The following PPP2R5A variants were observed in gnomAD, a reference collection of about 807,000 sequenced individuals.
PPP2R5A encodes protein phosphatase 2 regulatory subunit B'alpha, also known as serine/threonine-protein phosphatase 2A 56 kDa regulatory subunit alpha isoform.
A neutral mutation model predicts 64.2 loss-of-function variants in PPP2R5A; 25 were observed. That is an observed-to-expected ratio of 0.39 (90% CI 0.28 to 0.54). The LOEUF is 0.54. PPP2R5A is among the 20% of genes least tolerant of loss of function. The pLI is 0.67. For missense variants in PPP2R5A, 425 were observed against 576.3 expected (o/e 0.74, Z 2.69); for synonymous variants, 198 against 201.2 (o/e 0.98, Z 0.13).
At position 212,286,307 on chromosome 1, in the gene PPP2R5A, G is replaced by A; in HGVS notation, c.181+16G>A. On this transcript the variant is annotated intron_variant, in intron 1 of 12. Transcript: ENST00000261461. The stretch of plus-strand genomic sequence containing the variant: ...CAGCTCAAAGGTAACCTCCGAGGGC[G>A]CAGCCCCAGCAGCGAGCGCAGGGGC... 2 of 1,468,802 alleles carry A rather than the reference G, an allele frequency of 1.4e-6. No homozygotes were observed. Among genetic ancestry groups the A allele is most frequent in the Non-Finnish European group, 9.0e-7 (1 of 1,110,308 alleles). 91.0% of individuals were successfully genotyped at this position (1,468,802 alleles called of 1,614,324 possible).
At chr1:212,327,024 T>G (rs2102431359) in intron 1 of PPP2R5A, among the ~76,000 whole-genome samples, 1 of 152,342 alleles carries the variant, frequency 6.6e-6, no homozygotes, top group East Asian at 1.9e-4. Flanking sequence ...AAATCAGCTT[T>G]TTTAAGGACA....
chr1:212,321,286 C>A (rs1180507726), intron 1 of PPP2R5A, among the ~76,000 whole-genome samples: 2 of 147,114 alleles, frequency 1.4e-5, no homozygotes, highest in African/African-American at 5.0e-5. Flanking sequence ...GCGCCCCTCA[C>A]CTCCCGGACG....
At position 212,338,878 on chromosome 1, in the gene PPP2R5A, C is replaced by G. The variant is rs151309879; in HGVS notation, c.481-3310C>G. ...TTAACAAATGTGATTTTCATTCATT[C>G]AGTAAGCATCTATTGTGTGTCAAGC... On this transcript the variant is annotated intron_variant, in intron 3 of 12. Coordinates refer to ENST00000261461, the MANE Select transcript of PPP2R5A (RefSeq NM_006243.4). Among the ~76,000 whole-genome samples the G allele has an allele frequency of 7.2e-4, 109 of 152,102 alleles. 1 individual carries two copies. The highest frequency in any genetic ancestry group is 2.5e-3 in the African/African-American group (102 of 41,530).
rs60770780 is a variant in PPP2R5A at position 212,344,992 on chromosome 1, C to T, written c.574-811C>T. Among the ~76,000 whole-genome samples, 800 of 152,004 alleles carry T rather than the reference C, an allele frequency of 5.3e-3. 48 individuals are homozygous for T. In the East Asian group the frequency reaches 0.13, roughly 24 times the overall value. ...CAGCCTGGGCAACATGGTGAAACCCCGTCTCTACCAAAAAATATATAAATT... is the reference window on the plus strand; with the variant it reads ...CAGCCTGGGCAACATGGTGAAACCCTGTCTCTACCAAAAAATATATAAATT... On this transcript the variant is annotated intron_variant, in intron 4 of 12. Coordinates refer to ENST00000261461, the MANE Select transcript of PPP2R5A (RefSeq NM_006243.4).
At chr1:212,349,755 G>A (rs900978938) in intron 8 of PPP2R5A, among the ~76,000 whole-genome samples, 5 of 152,122 alleles carry the variant, frequency 3.3e-5, no homozygotes, top group Non-Finnish European at 5.9e-5. Context: ...GAACCAGCAA[G>A]GCAACTTAGG....
At chr1:212,353,165 T>G (rs1159257352) in intron 8 of PPP2R5A, among the ~76,000 whole-genome samples, 1 of 152,196 alleles carries the variant, frequency 6.6e-6, no homozygotes, top group East Asian at 1.9e-4. Flanking sequence ...CAAGTTATGT[T>G]GGACTGAGAG....
intron 1 of PPP2R5A, among the ~76,000 whole-genome samples, chr1:212,304,067 C>A (rs1251571368): frequency 6.6e-6 from 1 of 152,138 alleles, no homozygotes; most frequent in Non-Finnish European, 1.5e-5. Context: ...TCTTTCTTCT[C>A]TAGACATTTA....
At chr1:212,349,342 A>G (rs1207065877) in intron 8 of PPP2R5A, 100 bp downstream of exon 8, 2 of 817,088 alleles carry the variant, frequency 2.4e-6, no homozygotes, top group African/African-American at 1.8e-5. Context: ...AGAATAATGT[A>G]CGTTAAGCTA....
chr1:212,347,459 G>T, intron 6 of PPP2R5A, 53 bp downstream of exon 6: 2 of 1,347,682 alleles, frequency 1.5e-6, no homozygotes, highest in Admixed American at 1.9e-5. Context: ...AATGTTTTAT[G>T]TATTAAAATC....
rs1433053425 is a variant in PPP2R5A at position 212,361,005 on chromosome 1, A to AGAAAT, written c.*239_*243dup. 1.3e-5 allele frequency: 4 copies of AGAAAT among 298,488 alleles called. No homozygotes were observed. The highest frequency in any genetic ancestry group is 8.6e-5 in the African/African-American group (4 of 46,372). 18.5% of individuals were successfully genotyped at this position (298,488 alleles called of 1,614,324 possible). On this transcript the variant is annotated 3_prime_UTR_variant, in exon 13 of 13. Coordinates refer to ENST00000261461, the MANE Select transcript of PPP2R5A (RefSeq NM_006243.4). The stretch of plus-strand genomic sequence containing the variant: ...TATTGTGTCACTTCTGAAGTTTCAC[A>AGAAAT]GAAATGAATGAATTTTATCATCTAT...
chr1:212,313,507 A>G (rs1475755612), intron 1 of PPP2R5A, among the ~76,000 whole-genome samples: 1 of 150,932 alleles, frequency 6.6e-6, no homozygotes, highest in African/African-American at 2.4e-5. Context: ...TTTTTTCTTA[A>G]TGATTTGTAG....
intron 1 of PPP2R5A, among the ~76,000 whole-genome samples, chr1:212,307,680 T>C (rs903788655): frequency 5.3e-5 from 8 of 152,190 alleles, no homozygotes; most frequent in African/African-American, 1.9e-4. Flanking sequence ...ATAATTATCT[T>C]TACTGGTGCT....
intron 8 of PPP2R5A, among the ~76,000 whole-genome samples, chr1:212,352,196 T>G (rs1309527504): frequency 2.0e-5 from 3 of 151,244 alleles, no homozygotes; most frequent in Non-Finnish European, 4.4e-5. Flanking sequence ...GCTAGGTTTT[T>G]TTTTGTATTT....
At chr1:212,295,668 T>C (rs437701) in intron 1 of PPP2R5A, among the ~76,000 whole-genome samples, 21,765 of 150,924 alleles carry the variant, frequency 0.14, 2,061 homozygotes, top group African/African-American at 0.27. Flanking sequence ...CAGGAGAGAG[T>C]GGAGACAAGG....
chr1:212,340,038 C>T (rs1023625203), intron 3 of PPP2R5A, among the ~76,000 whole-genome samples: 3 of 145,608 alleles, frequency 2.1e-5, no homozygotes, highest in Non-Finnish European at 3.0e-5. Context: ...TGGCTTACAC[C>T]TTACCAGCAC....
chr1:212,353,560 T>C (rs921624108), intron 8 of PPP2R5A, among the ~76,000 whole-genome samples: 1 of 152,204 alleles, frequency 6.6e-6, no homozygotes, highest in Non-Finnish European at 1.5e-5. Context: ...CTTTGTCATA[T>C]ATTAAAATCC....
At chr1:212,358,862 T>C (rs898620251) in intron 12 of PPP2R5A, 75 bp downstream of exon 12, 1 of 1,185,188 alleles carries the variant, frequency 8.4e-7, no homozygotes, top group African/African-American at 1.5e-5. Context: ...CAGGAAGGTA[T>C]CTTCTCTCAG....
intron 2 of PPP2R5A, among the ~76,000 whole-genome samples, chr1:212,331,087 G>A (rs188753605): frequency 5.9e-5 from 9 of 151,378 alleles, no homozygotes; most frequent in Admixed American, 3.3e-4. Flanking sequence ...AGAATTGCTC[G>A]AACCTGGGAG....
Position 212,286,037 on chromosome 1 carries a change from T to G in PPP2R5A, c.-74T>G, listed in dbSNP as rs923873928. 7.9e-6 allele frequency: 11 copies of G among 1,400,548 alleles called. No individual in the cohort carries two copies. The highest frequency in any genetic ancestry group is 1.0e-5 in the Non-Finnish European group (11 of 1,079,196). 86.8% of individuals were successfully genotyped at this position (1,400,548 alleles called of 1,614,324 possible). ...GAGCACCCCGCGCCTCTCCCCCGCC[T>G]CCTCCTGCCGTCTCCGCCGCTGCCC... On this transcript the variant is annotated 5_prime_UTR_variant, in exon 1 of 13. Transcript: ENST00000261461.
Sources: allele counts gnomAD v4.1 joint callset (sites outside exome capture counted in the v4.1 genomes callset), GRCh38; gene constraint gnomAD v4.1.1; transcripts MANE v1.5; gene names NCBI Gene and HGNC (gene_info 2026-07-23, HGNC 2026-07-21).